Variants in P4HA3 observed in about 807,000 individuals in gnomAD.
P4HA3 encodes prolyl 4-hydroxylase subunit alpha-3.
Under a neutral mutation model 66.7 loss-of-function variants are expected in P4HA3, and 60 were observed. The ratio of observed to expected loss-of-function variants is 0.90; its 90% CI spans 0.73 to 1.12. The LOEUF (loss-of-function observed/expected upper bound fraction) is 1.12, where lower values mean the gene tolerates loss of function less well. Among genes scored for constraint, P4HA3 ranks in the 50% most tolerant of loss-of-function variants. The pLI, the probability that P4HA3 is intolerant of heterozygous loss-of-function variation, is 0.00. For synonymous variants in P4HA3, 263 were observed against 274.6 expected, an observed-to-expected ratio of 0.96 and a Z score of 0.42; for missense variants, 683 against 685.8, an observed-to-expected ratio of 1.00 and a Z score of 0.05.
chr11:74,294,912 A>G (rs1213909001), intron 4 of P4HA3, among the ~76,000 whole-genome samples: 5 of 152,184 alleles, frequency 3.3e-5, no homozygotes, highest in Non-Finnish European at 7.3e-5. Flanking sequence ...TTGAGGAGGC[A>G]GTCTGCCTGT....
intron 15 of P4HA3, chr11:74,251,162 A>G: frequency 1.4e-6 from 2 of 1,474,022 alleles, no homozygotes; most frequent in Non-Finnish European, 1.8e-6. Flanking sequence ...CCAGCTCTCC[A>G]ACTTCTCCCT....
At chr11:74,278,393 A>G (rs1370754203) in intron 8 of P4HA3, among the ~76,000 whole-genome samples, 1 of 152,216 alleles carries the variant, frequency 6.6e-6, no homozygotes, top group African/African-American at 2.4e-5. Context: ...TCTGGACTTT[A>G]TGGATAATGG....
intron 1 of P4HA3, among the ~76,000 whole-genome samples, chr11:74,304,635 A>G (rs1199786917): frequency 6.6e-6 from 1 of 152,216 alleles, no homozygotes; most frequent in Non-Finnish European, 1.5e-5. Flanking sequence ...GAGTCAGTCT[A>G]TATTAATCAA....
At position 74,311,315 on chromosome 11, in the gene P4HA3, A is replaced by G. The variant is rs1861735550; in HGVS notation, c.200+97T>C. On this transcript the variant is annotated intron_variant, in intron 1 of 12. Transcript: ENST00000331597. ...GTCTGGGGTCCCACGCAGCATGACA[A>G]TGAGCCTGGGGTCACACTCAACCTG... is the stretch of plus-strand genomic sequence containing the variant. The G allele has an allele frequency of 6.9e-6, 9 of 1,298,794 alleles. No homozygotes were observed. In the South Asian group the frequency reaches 9.9e-5, roughly 14 times the overall value. 80.5% of individuals were successfully genotyped at this position (1,298,794 alleles called of 1,614,324 possible). A position where few individuals can be genotyped will look rare whatever the true frequency, so the allele number is the denominator to read the frequency against.
intron 1 of P4HA3, 70 bp from the exon 2 acceptor site, chr11:74,304,482 G>A: frequency 6.5e-7 from 1 of 1,548,760 alleles, no homozygotes; most frequent in Non-Finnish European, 8.9e-7. Context: ...CTGGCATGGT[G>A]TGTGTACATT....
chr11:74,251,538 G>C, intron 15 of P4HA3: 1 of 1,516,496 alleles, frequency 6.6e-7, no homozygotes, highest in Non-Finnish European at 8.8e-7. Context: ...TCAGACCTGT[G>C]GGTGGGATGA....
chr11:74,281,559 T>C (rs1437581437), intron 7 of P4HA3, among the ~76,000 whole-genome samples: 4 of 151,998 alleles, frequency 2.6e-5, no homozygotes, highest in Admixed American at 6.5e-5. Flanking sequence ...AAATGATGAG[T>C]TCATGTCCTT....
intron 15 of P4HA3, chr11:74,252,637 A>G: frequency 2.4e-6 from 1 of 421,802 alleles, no homozygotes; most frequent in Admixed American, 2.4e-5. Context: ...GCATTGTAGG[A>G]TGCTTAGCAG....
intron 7 of P4HA3, among the ~76,000 whole-genome samples, chr11:74,279,827 G>A (rs554416263): frequency 1.2e-4 from 19 of 152,312 alleles, no homozygotes; most frequent in African/African-American, 4.3e-4. Context: ...GTCAGGCACA[G>A]GGCCTGACCT....
intron 15 of P4HA3, among the ~76,000 whole-genome samples, chr11:74,256,582 A>G (rs1859835098): frequency 6.6e-6 from 1 of 152,174 alleles, no homozygotes; most frequent in Non-Finnish European, 1.5e-5. Flanking sequence ...ACGAGCACCT[A>G]CTATGTGTTG....
At chr11:74,273,499 A>C in intron 10 of P4HA3, 46 bp downstream of exon 10, 6 of 1,354,828 alleles carry the variant, frequency 4.4e-6, no homozygotes, top group Non-Finnish European at 5.9e-6. Context: ...AAAATAAAGT[A>C]GAGCTATAGT....
At chr11:74,292,541 G>T (rs1474063942) in intron 4 of P4HA3, among the ~76,000 whole-genome samples, 15 of 152,036 alleles carry the variant, frequency 9.9e-5, no homozygotes, top group Admixed American at 9.8e-4. Flanking sequence ...TGATGTTAGG[G>T]TGTCAATTTT....
chr11:74,281,601 AT>A (rs1363525282), intron 7 of P4HA3, among the ~76,000 whole-genome samples: 2 of 152,182 alleles, frequency 1.3e-5, no homozygotes, highest in African/African-American at 2.4e-5. Context: ...GGAAATCATC[AT>A]TCTCAGTAAG....
intron 8 of P4HA3, among the ~76,000 whole-genome samples, chr11:74,278,898 G>C (rs565141739): frequency 6.6e-6 from 1 of 152,250 alleles, no homozygotes; most frequent in African/African-American, 2.4e-5. Context: ...GGCTGCAGTG[G>C]GGGGTGGGCA....
At chr11:74,255,874 G>A in intron 15 of P4HA3, 1 of 496,146 alleles carries the variant, frequency 2.0e-6, no homozygotes, top group Non-Finnish European at 4.0e-6. Flanking sequence ...GAGCTCCCTA[G>A]TAGAGGAGAG....
At chr11:74,296,886 G>A (rs909815602) in intron 4 of P4HA3, among the ~76,000 whole-genome samples, 1 of 150,942 alleles carries the variant, frequency 6.6e-6, no homozygotes, top group African/African-American at 2.4e-5. Context: ...CAGCAATTTA[G>A]CAGGAGAGTT....
chr11:74,270,478 A>C (rs1334456413), intron 10 of P4HA3, among the ~76,000 whole-genome samples: 1 of 144,040 alleles, frequency 6.9e-6, no homozygotes, highest in Non-Finnish European at 1.6e-5. Context: ...TTAAAACAGG[A>C]AAATATTTTT....
At chr11:74,277,997 C>T (rs984541558) in intron 8 of P4HA3, among the ~76,000 whole-genome samples, 6 of 152,172 alleles carry the variant, frequency 3.9e-5, no homozygotes, top group Non-Finnish European at 8.8e-5. Flanking sequence ...TTACAGAGAT[C>T]CCCAAGACAG....
chr11:74,274,905 T>G (rs576718135), intron 9 of P4HA3, among the ~76,000 whole-genome samples: 2 of 152,336 alleles, frequency 1.3e-5, no homozygotes, highest in African/African-American at 4.8e-5. Flanking sequence ...GCTATCTCAT[T>G]GTGGTTTTAA....
Sources: gnomAD v4.1 joint callset for allele counts (sites outside exome capture counted in the v4.1 genomes callset) on GRCh38, gnomAD v4.1.1 for gene constraint, MANE v1.5 for transcripts, NCBI Gene and HGNC (gene_info 2026-07-23, HGNC 2026-07-21) for gene names.